The following PRAMEF17 variants were observed in gnomAD, a reference collection of about 807,000 sequenced individuals.
PRAMEF17 encodes the protein PRAME family member 17.
In PRAMEF17, 48 loss-of-function variants were observed where a neutral mutation model predicts 36.8. That is an observed-to-expected ratio of 1.30 (90% CI 1.03 to 1.66). The LOEUF (loss-of-function observed/expected upper bound fraction) is 1.66, where lower values mean the gene tolerates loss of function less well. Among genes scored for constraint, PRAMEF17 ranks in the 40% most tolerant of loss-of-function variants. The pLI is 0.00. For synonymous variants in PRAMEF17, 246 were observed against 220.4 expected (o/e 1.12, Z -1.03); for missense variants, 639 against 560.6 (o/e 1.14, Z -1.41).
rs1640867670 is a variant in PRAMEF17 at position 13,390,620 on chromosome 1, A to C, written c.567A>C (p.Ser189=). ...HLCCNKVQNY[S]MPTSSFRNLL... ...GTTGTAATAAGGTGCAGAATTACTC[A>C]ATGCCCACTTCAAGTTTCAGAAATT... The change falls in exon 2 of 3, where the codon TCA becomes TCC. Residue 189 remains serine, a synonymous_variant. Transcript: ENST00000376098. 1 of 1,611,990 alleles carries C rather than the reference A, an allele frequency of 6.2e-7. No individual in the cohort carries two copies.
At chr1:13,391,816 A>G in intron 2 of PRAMEF17, 128 bp from the exon 3 acceptor site, 1 of 1,401,630 alleles carries the variant, frequency 7.1e-7, no homozygotes, top group Non-Finnish European at 9.9e-7. Flanking sequence ...GCAGGTTACT[A>G]CAACACCTGT....
At position 13,392,347 on chromosome 1, in the gene PRAMEF17, C is replaced by T. The variant is rs1464673548; in HGVS notation, c.1270C>T (p.His424Tyr). 3 of 1,611,944 alleles carry T rather than the reference C, an allele frequency of 1.9e-6. No individual in the cohort carries two copies. Among genetic ancestry groups the T allele is most frequent in the Non-Finnish European group, 1.7e-6 (2 of 1,179,848 alleles). The change falls in exon 3 of 3, where the codon CAT becomes TAT. Residue 424 changes from histidine (H) to tyrosine (Y), a missense_variant. His to Tyr is a moderately conservative substitution (Grantham distance 83). Transcript: ENST00000376098. ...TCTGGAGTGTCTTGACAACAGGGGT[C>T]ATGTCAATTGGGAGATCCTCGCCCC... ...APLECLDNRG[H>Y]VNWEILAPIR...
rs1158625530 is a variant in PRAMEF17, at chr1:13,389,654, C to A, written c.-4C>A. 448 of 1,611,992 alleles carry A rather than the reference C, an allele frequency of 2.8e-4. 1 individual carries two copies. In the Middle Eastern group the frequency reaches 3.8e-3, roughly 14 times the overall value. On this transcript the variant is annotated 5_prime_UTR_variant, in exon 1 of 3. Coordinates refer to ENST00000376098, the MANE Select transcript of PRAMEF17 (RefSeq NM_001099851.3). Reference sequence around the variant, plus strand: ...CTAGAGTTTTTCACTGGAGATTTGTCAGAATGAGCCTCCAGTCCCCATCCA... The same window carrying A: ...CTAGAGTTTTTCACTGGAGATTTGTAAGAATGAGCCTCCAGTCCCCATCCA...
intron 2 of PRAMEF17, among the ~76,000 whole-genome samples, chr1:13,391,304 T>C (rs1192496118): frequency 6.6e-6 from 1 of 151,964 alleles, no homozygotes; most frequent in Non-Finnish European, 1.5e-5. Context: ...CAAACCTGCG[T>C]GTTTCACAGC....
chr1:13,391,070 G>A, intron 2 of PRAMEF17, 151 bp downstream of exon 2: 2 of 1,264,166 alleles, frequency 1.6e-6, no homozygotes, highest in Non-Finnish European at 2.2e-6. Flanking sequence ...ATGCTGTTCA[G>A]TGCTCTATAT....
chr1:13,391,982 A>G lies in PRAMEF17; in HGVS notation c.905A>G (p.His302Arg). Reference protein sequence around the residue: ...KNPLGTFIFCHAYLADQDMEC... With the variant: ...KNPLGTFIFCRAYLADQDMEC... Reference sequence around the variant, plus strand: ...CCCTTGGGAACCTTTATATTCTGTCATGCTTACCTAGCTGATCAGGACATG... The same window carrying G: ...CCCTTGGGAACCTTTATATTCTGTCGTGCTTACCTAGCTGATCAGGACATG... The change falls in exon 3 of 3, where the codon CAT becomes CGT. Residue 302 changes from histidine (H) to arginine (R), a missense_variant. By Grantham distance (29) the His-to-Arg change is conservative. Transcript: ENST00000376098. 6.2e-7 allele frequency: 1 copy of G among 1,611,544 alleles called. No homozygotes were observed. Among genetic ancestry groups the G allele is most frequent in the East Asian group, 2.2e-5 (1 of 44,812 alleles).
In PRAMEF17 at chr1:13,390,365, T is replaced by G; in HGVS notation, c.312T>G (p.Asp104Glu). Residue 104 changes from aspartate (D) to glutamate (E), a missense_variant, in exon 2 of 3, where the codon GAT (aspartate) becomes GAG (glutamate). By Grantham distance (45) the Asp-to-Glu change is conservative. Coordinates refer to ENST00000376098, the MANE Select transcript of PRAMEF17 (RefSeq NM_001099851.3). The part of the protein sequence containing the change: ...RPRRWKLQVL[D>E]LRDVDGNFWT... ...GGAGGTGGAAACTTCAAGTGCTGGATTTGCGGGATGTTGATGGGAATTTCT... is the reference window on the plus strand; with the variant it reads ...GGAGGTGGAAACTTCAAGTGCTGGAGTTGCGGGATGTTGATGGGAATTTCT... 1 of 1,611,850 alleles carries G rather than the reference T, an allele frequency of 6.2e-7. No homozygotes were observed.
intron 2 of PRAMEF17, among the ~76,000 whole-genome samples, chr1:13,391,126 G>T (rs1176661944): frequency 2.0e-5 from 3 of 152,230 alleles, no homozygotes; most frequent in Non-Finnish European, 2.9e-5. Context: ...GCGGAGGGAT[G>T]GCCCGGGGCA....
chr1:13,389,761 T>C lies in PRAMEF17; in HGVS notation c.104T>C (p.Val35Ala). The change falls in exon 1 of 3, where the codon GTC (valine) becomes GCC (alanine). Residue 35 changes from valine (V) to alanine (A), a missense_variant. Transcript: ENST00000376098. ...ATCCTGGACGAGCTGCCCAGGGAGG[T>C]CTTCCCTCTGATGTTCATGGAGGCC... is the stretch of plus-strand genomic sequence containing the variant. ...IFILDELPRE[V>A]FPLMFMEASS... The C allele has an allele frequency of 3.1e-6, 5 of 1,612,202 alleles. No individual in the cohort carries two copies. The highest frequency in any genetic ancestry group is 3.4e-6 in the Non-Finnish European group (4 of 1,179,954).
In PRAMEF17 at chr1:13,392,416, C is replaced by A. The variant is rs780399961; in HGVS notation, c.1339C>A (p.Pro447Thr). 3 of 1,611,966 alleles carry A rather than the reference C, an allele frequency of 1.9e-6. No homozygotes were observed. Among genetic ancestry groups the A allele is most frequent in the Middle Eastern group, 2.3e-4 (1 of 4,430 alleles). The change falls in exon 3 of 3, where the codon CCC (proline) becomes ACC (threonine). Residue 447 changes from proline to threonine, a missense_variant. Physicochemically the swap from Pro to Thr is conservative, Grantham distance 38 (BLOSUM62 -1). Coordinates refer to ENST00000376098, the MANE Select transcript of PRAMEF17 (RefSeq NM_001099851.3). Reference sequence around the variant, plus strand: ...GTGTACACTCAGGGAAGTCAGGCAGCCCAAGAGGATCTTTTTTGGTCCCAT... The same window carrying A: ...GTGTACACTCAGGGAAGTCAGGCAGACCAAGAGGATCTTTTTTGGTCCCAT... Reference protein sequence around the residue: ...LMCTLREVRQPKRIFFGPIPC... With the variant: ...LMCTLREVRQTKRIFFGPIPC...
Position 13,390,390 on chromosome 1 carries a change from T to C in PRAMEF17, c.337T>C (p.Trp113Arg). Residue 113 changes from tryptophan (W) to arginine (R), a missense_variant, in exon 2 of 3, where the codon TGG becomes CGG. Physicochemically the swap from Trp to Arg is moderately radical, Grantham distance 101. Coordinates refer to ENST00000376098, the MANE Select transcript of PRAMEF17 (RefSeq NM_001099851.3). ...LDLRDVDGNF[W>R]TIWSGARALS... ...TTTGCGGGATGTTGATGGGAATTTC[T>C]GGACTATATGGTCTGGAGCCAGGGC... The C allele has an allele frequency of 6.2e-7, 1 of 1,612,020 alleles. No individual in the cohort carries two copies. The highest frequency in any genetic ancestry group is 8.5e-7 in the Non-Finnish European group (1 of 1,179,858).
chr1:13,389,987 C>G lies in PRAMEF17; in HGVS notation c.287+43C>G, dbSNP rs1159704361. 8 of 1,611,860 alleles carry G rather than the reference C, an allele frequency of 5.0e-6. No individual in the cohort carries two copies. The African/African-American group carries it at 1.1e-4, about 22-fold the overall frequency. On this transcript the variant is annotated intron_variant, in intron 1 of 2. Coordinates refer to ENST00000376098, the MANE Select transcript of PRAMEF17 (RefSeq NM_001099851.3). ...GCCTGGTGGGAAGGGTCCAGGCATC[C>G]AGGGAAGGGACAGCTGGCTCAGGAG... is the stretch of plus-strand genomic sequence containing the variant.
Position 13,392,410 on chromosome 1 carries a change from A to G in PRAMEF17, c.1333A>G (p.Arg445Gly). The stretch of plus-strand genomic sequence containing the variant: ...GCTGATGTGTACACTCAGGGAAGTC[A>G]GGCAGCCCAAGAGGATCTTTTTTGG... ...AELMCTLREV[R>G]QPKRIFFGPI... Residue 445 changes from arginine to glycine, a missense_variant, in exon 3 of 3, where the codon AGG (arginine) becomes GGG (glycine). Coordinates refer to ENST00000376098, the MANE Select transcript of PRAMEF17 (RefSeq NM_001099851.3). 6.2e-7 allele frequency: 1 copy of G among 1,611,982 alleles called. No homozygotes were observed. Among genetic ancestry groups the G allele is most frequent in the Non-Finnish European group, 8.5e-7 (1 of 1,179,858 alleles).
At position 13,389,694 on chromosome 1, in the gene PRAMEF17, G is replaced by A. The variant is rs1443718699; in HGVS notation, c.37G>A (p.Ala13Thr). The A allele has an allele frequency of 0.089, 144,237 of 1,611,944 alleles. 6,849 individuals are homozygous for A. The highest frequency in any genetic ancestry group is 0.1 in the Non-Finnish European group (117,417 of 1,179,840). The change falls in exon 1 of 3, where the codon GCA (alanine) becomes ACA (threonine). Residue 13 changes from alanine (A) to threonine (T), a missense_variant. Physicochemically the swap from Ala to Thr is moderately conservative, Grantham distance 58. Coordinates refer to ENST00000376098, the MANE Select transcript of PRAMEF17 (RefSeq NM_001099851.3). Reference protein sequence around the residue: ...LQSPSRLLELAGQSLLRNQFL... With the variant: ...LQSPSRLLELTGQSLLRNQFL... The stretch of plus-strand genomic sequence containing the variant: ...GTCCCCATCCAGACTCCTGGAGCTG[G>A]CAGGCCAGAGCCTGCTGAGGAACCA...
chr1:13,391,448 G>C (rs1214274342), intron 2 of PRAMEF17, among the ~76,000 whole-genome samples: 4 of 152,176 alleles, frequency 2.6e-5, no homozygotes, highest in Non-Finnish European at 4.4e-5. Context: ...AGGTGAGGGA[G>C]TAGGCAGGAG....
chr1:13,390,785 C>G lies in PRAMEF17; in HGVS notation c.732C>G (p.Asp244Glu). The change falls in exon 2 of 3, where the codon GAC becomes GAG. Residue 244 changes from aspartate to glutamate, a missense_variant. Physicochemically the swap from Asp to Glu is conservative, Grantham distance 45. Coordinates refer to ENST00000376098, the MANE Select transcript of PRAMEF17 (RefSeq NM_001099851.3). ...LRKLFLAFGY[D>E]DELYVSGQQQ... ...AACTCTTTTTAGCCTTCGGTTATGACGATGAGTTATATGTAAGCGGCCAAC... is the reference window on the plus strand; with the variant it reads ...AACTCTTTTTAGCCTTCGGTTATGAGGATGAGTTATATGTAAGCGGCCAAC... The G allele has an allele frequency of 6.2e-7, 1 of 1,611,968 alleles. No individual in the cohort carries two copies. Among genetic ancestry groups the G allele is most frequent in the Non-Finnish European group, 8.5e-7 (1 of 1,179,848 alleles).
At chr1:13,391,503 G>T (rs2100407750) in intron 2 of PRAMEF17, among the ~76,000 whole-genome samples, 1 of 152,246 alleles carries the variant, frequency 6.6e-6, no homozygotes, top group African/African-American at 2.4e-5. Context: ...GGCATGTCAG[G>T]GAATCTTTGC....
chr1:13,392,294 A>G lies in PRAMEF17; in HGVS notation c.1217A>G (p.Lys406Arg). 6.2e-7 allele frequency: 1 copy of G among 1,611,964 alleles called. No individual in the cohort carries two copies. The highest frequency in any genetic ancestry group is 2.2e-5 in the East Asian group (1 of 44,866). ...CTGTGTCACACAGGTGGGCTGAGCA[A>G]GTTAGGTCTGGAGTTGTATCCTGCC... ...DLLCHTGGLSKLGLELYPAPL... is the reference protein window; with the variant it reads ...DLLCHTGGLSRLGLELYPAPL... The change falls in exon 3 of 3, where the codon AAG becomes AGG. Residue 406 changes from lysine to arginine, a missense_variant. Coordinates refer to ENST00000376098, the MANE Select transcript of PRAMEF17 (RefSeq NM_001099851.3).
At chr1:13,391,164 G>T (rs1290903924) in intron 2 of PRAMEF17, among the ~76,000 whole-genome samples, 70 of 151,430 alleles carry the variant, frequency 4.6e-4, no homozygotes, top group African/African-American at 1.3e-3. Flanking sequence ...CATGCAGGGA[G>T]CTAGTTAGTC....
Sources: gnomAD v4.1 joint callset for allele counts (sites outside exome capture counted in the v4.1 genomes callset) on GRCh38, gnomAD v4.1.1 for gene constraint, MANE v1.5 for transcripts, NCBI Gene and HGNC (gene_info 2026-07-23, HGNC 2026-07-21) for gene names.